The following SPOCK1 variants were observed in gnomAD, a reference collection of about 807,000 sequenced individuals.
The protein encoded by SPOCK1 is testican-1.
In SPOCK1, 23 loss-of-function variants were observed where a neutral mutation model predicts 55.3. That is an observed-to-expected ratio of 0.42 (90% CI 0.30 to 0.59). The LOEUF (loss-of-function observed/expected upper bound fraction) is 0.59. Among genes scored for constraint, SPOCK1 ranks in the 20% least tolerant of loss-of-function variants. The pLI, the probability that SPOCK1 is intolerant of heterozygous loss-of-function variation, is 0.22. For synonymous variants in SPOCK1, 226 were observed against 221.0 expected (o/e 1.02, Z -0.20); for missense variants, 499 against 552.5 (o/e 0.90, Z 0.97).
intron 6 of SPOCK1, among the ~76,000 whole-genome samples, chr5:137,005,311 T>C (rs1391147741): frequency 6.8e-6 from 1 of 146,458 alleles, no homozygotes; most frequent in African/African-American, 2.5e-5. Flanking sequence ...TCTAACTTAT[T>C]CCAATAATAG....
At chr5:137,282,525 C>T in intron 2 of SPOCK1, among the ~76,000 whole-genome samples, 1 of 152,222 alleles carries the variant, frequency 6.6e-6, no homozygotes, top group East Asian at 1.9e-4. Context: ...CACACTCCTG[C>T]TATCAGTGGG....
intron 2 of SPOCK1, among the ~76,000 whole-genome samples, chr5:137,411,854 T>A (rs1746811879): frequency 1.3e-5 from 2 of 152,108 alleles, no homozygotes; most frequent in African/African-American, 4.8e-5. Flanking sequence ...TTCAACCTTC[T>A]CCAAAAAATT....
At chr5:137,198,213 C>A (rs1755341120) in intron 3 of SPOCK1, among the ~76,000 whole-genome samples, 1 of 152,152 alleles carries the variant, frequency 6.6e-6, no homozygotes, top group African/African-American at 2.4e-5. Context: ...TAACAGTTCA[C>A]CAACAAATGT....
At chr5:137,340,472 C>G (rs962190637) in intron 2 of SPOCK1, among the ~76,000 whole-genome samples, 1 of 152,220 alleles carries the variant, frequency 6.6e-6, no homozygotes, top group African/African-American at 2.4e-5. Context: ...TTTTACCTAT[C>G]TGAGCCTTCA....
intron 2 of SPOCK1, among the ~76,000 whole-genome samples, chr5:137,286,688 C>T (rs1757273204): frequency 6.6e-6 from 1 of 152,152 alleles, no homozygotes; most frequent in African/African-American, 2.4e-5. Context: ...TGTGTCAAAT[C>T]ACAGAGCAGG....
At chr5:137,046,518 T>G (rs1176066384) in intron 6 of SPOCK1, among the ~76,000 whole-genome samples, 2 of 149,950 alleles carry the variant, frequency 1.3e-5, no homozygotes, top group Non-Finnish European at 3.0e-5. Flanking sequence ...AAGTTGCTTA[T>G]CAGCTTAAGG....
intron 3 of SPOCK1, among the ~76,000 whole-genome samples, chr5:137,191,556 A>T (rs1755179262): frequency 6.6e-6 from 1 of 152,240 alleles, no homozygotes; most frequent in African/African-American, 2.4e-5. Flanking sequence ...CCTTCGCATG[A>T]ATCATAAATT....
chr5:136,999,583 G>A (rs1475275248), intron 6 of SPOCK1, among the ~76,000 whole-genome samples: 1 of 152,160 alleles, frequency 6.6e-6, no homozygotes, highest in Non-Finnish European at 1.5e-5. Flanking sequence ...TGACTTCAAG[G>A]GCTGAATGAC....
intron 5 of SPOCK1, among the ~76,000 whole-genome samples, chr5:137,105,164 C>G (rs1753341936): frequency 6.6e-6 from 1 of 152,220 alleles, no homozygotes; most frequent in East Asian, 1.9e-4. Context: ...TGCTGCTGCT[C>G]TCATCCTTAA....
chr5:137,262,875 C>CA (rs759206155), intron 3 of SPOCK1, among the ~76,000 whole-genome samples: 19 of 152,218 alleles, frequency 1.2e-4, no homozygotes, highest in Admixed American at 5.9e-4. Context: ...AGAATGAAAA[C>CA]AATCAATGAC....
chr5:137,168,676 G>A (rs1180475578), intron 3 of SPOCK1, among the ~76,000 whole-genome samples: 1 of 152,086 alleles, frequency 6.6e-6, no homozygotes, highest in Non-Finnish European at 1.5e-5. Context: ...CTCTAGTTAA[G>A]ATGGCTTTTT....
At chr5:137,184,942 A>ACATTATCT (rs1338974564) in intron 3 of SPOCK1, among the ~76,000 whole-genome samples, 7 of 152,022 alleles carry the variant, frequency 4.6e-5, no homozygotes, top group Non-Finnish European at 1.0e-4. Context: ...ACTCCTCACC[A>ACATTATCT]CACTGTCCCT....
chr5:137,197,675 T>G (rs1755329101), intron 3 of SPOCK1, among the ~76,000 whole-genome samples: 2 of 152,220 alleles, frequency 1.3e-5, no homozygotes, highest in South Asian at 4.1e-4. Context: ...TAATACATTT[T>G]AATTGAGACG....
chr5:137,138,710 C>T (rs1485625786), intron 4 of SPOCK1, among the ~76,000 whole-genome samples: 4 of 150,426 alleles, frequency 2.7e-5, no homozygotes, highest in African/African-American at 7.3e-5. Context: ...AACCCCCCCC[C>T]CCCAAAAAAA....
At chr5:137,210,489 A>G (rs1755591118) in intron 3 of SPOCK1, among the ~76,000 whole-genome samples, 1 of 152,232 alleles carries the variant, frequency 6.6e-6, no homozygotes, top group Non-Finnish European at 1.5e-5. Flanking sequence ...TTTATTTCAG[A>G]GTCATTTCAT....
chr5:137,085,802 G>T (rs893245094), intron 5 of SPOCK1, among the ~76,000 whole-genome samples: 17 of 152,074 alleles, frequency 1.1e-4, no homozygotes, highest in Non-Finnish European at 5.9e-5. Flanking sequence ...TAAACTACTT[G>T]CCAGTTTGAT....
intron 5 of SPOCK1, among the ~76,000 whole-genome samples, chr5:137,106,695 C>A (rs555401596): frequency 5.1e-4 from 78 of 152,270 alleles, no homozygotes; most frequent in African/African-American, 1.8e-3. Flanking sequence ...GTCACCCTGC[C>A]TCCAATCCTG....
intron 3 of SPOCK1, among the ~76,000 whole-genome samples, chr5:137,236,312 G>A (rs538359620): frequency 6.6e-6 from 1 of 152,366 alleles, no homozygotes; most frequent in African/African-American, 2.4e-5. Flanking sequence ...CTGCCGGCAT[G>A]CACACCAGGC....
chr5:137,353,579 C>T (rs866897271), intron 2 of SPOCK1, among the ~76,000 whole-genome samples: 1 of 152,184 alleles, frequency 6.6e-6, no homozygotes, highest in South Asian at 2.1e-4. Context: ...AGAGACCTCC[C>T]CATCAGTTAA....
Sources: gnomAD v4.1 joint callset for allele counts (sites outside exome capture counted in the v4.1 genomes callset) on GRCh38, gnomAD v4.1.1 for gene constraint, MANE v1.5 for transcripts, NCBI Gene and HGNC (gene_info 2026-07-23, HGNC 2026-07-21) for gene names.